VPS13C: variants seen among roughly 807,000 people sequenced by gnomAD.
The protein encoded by VPS13C is intermembrane lipid transfer protein VPS13C.
VPS13C carries 358 observed loss-of-function variants against 456.8 expected under a neutral mutation model. The ratio of observed to expected loss-of-function variants is 0.78; its 90% confidence interval spans 0.72 to 0.86. The LOEUF (loss-of-function observed/expected upper bound fraction) is 0.86. Among genes scored for constraint, VPS13C ranks in the 40% least tolerant of loss-of-function variants. VPS13C has a pLI of 0.00. For missense variants in VPS13C, 4,818 were observed against 4,385.4 expected (o/e 1.10, Z -2.79); for synonymous variants, 1,578 against 1,486.7 (o/e 1.06, Z -1.41).
chr15:62,005,575 G>C (rs559234492), intron 15 of VPS13C, among the ~76,000 whole-genome samples: 1,585 of 151,460 alleles, frequency 0.01, 28 homozygotes, highest in African/African-American at 0.037. Context: ...GTTAGCTGGT[G>C]ATTTTGCTCG....
In VPS13C at chr15:61,936,781, A is replaced by C. The variant is rs2044241362; in HGVS notation, c.5602-31T>G. ...AACCACCAATAATTTGTTAACTCTA[A>C]GTAATAAAAAAAATGTAGACTATCA... is the stretch of plus-strand genomic sequence containing the variant. On this transcript the variant is annotated intron_variant, in intron 47 of 84. Transcript: ENST00000644861. 1.9e-6 allele frequency: 3 copies of C among 1,567,172 alleles called. No individual in the cohort carries two copies. The Admixed American group carries it at 6.1e-5, about 32-fold the overall frequency.
At chr15:61,907,823 T>C (rs974842405) in intron 65 of VPS13C, among the ~76,000 whole-genome samples, 1 of 152,186 alleles carries the variant, frequency 6.6e-6, no homozygotes, top group Non-Finnish European at 1.5e-5. Context: ...GGCAAGATCA[T>C]ATTGCACTAC....
chr15:61,916,013 C>T lies in VPS13C; in HGVS notation c.8065G>A (p.Glu2689Lys), dbSNP rs760868314. Residue 2689 changes from glutamate (E) to lysine (K), a missense_variant, in exon 61 of 85, where the codon GAA becomes AAA. Physicochemically the swap from Glu to Lys is moderately conservative, Grantham distance 56. This residue lies in a region of VPS13C where 4,552 missense variants were observed against 4,130.6 expected (regional missense o/e 1.10). Transcript: ENST00000644861. ...SLRYLLEGTA[E>K]THELAEGSTA... ...CTGCCTTCTGCCAGCTCATGAGTTT[C>T]TGCTGTTCCCTAAAAACAAACAAAA... The T allele has an allele frequency of 6.4e-7, 1 of 1,557,190 alleles. No individual in the cohort carries two copies. The highest frequency in any genetic ancestry group is 2.3e-5 in the East Asian group (1 of 43,942).
intron 15 of VPS13C, among the ~76,000 whole-genome samples, chr15:62,006,602 T>A (rs1425389685): frequency 6.6e-6 from 1 of 152,204 alleles, no homozygotes; most frequent in Non-Finnish European, 1.5e-5. Flanking sequence ...TGATTTATAA[T>A]CCTTTGGGTA....
intron 49 of VPS13C, 65 bp from the exon 50 acceptor site, chr15:61,931,324 A>T: frequency 7.0e-7 from 1 of 1,428,352 alleles, no homozygotes; most frequent in South Asian, 1.5e-5. Flanking sequence ...ACTTTTAAAC[A>T]TATTACTTAA....
At chr15:61,869,109 C>CTTT in intron 80 of VPS13C, among the ~76,000 whole-genome samples, 1 of 106,274 alleles carries the variant, frequency 9.4e-6, no homozygotes, top group South Asian at 3.1e-4. Flanking sequence ...CTTTTCTTTT[C>CTTT]TTTTTTCTTT....
At chr15:61,868,411 T>C (rs555719697) in intron 81 of VPS13C, among the ~76,000 whole-genome samples, 7 of 152,256 alleles carry the variant, frequency 4.6e-5, no homozygotes, top group Non-Finnish European at 8.8e-5. Context: ...AATAGTGATA[T>C]AGCCTATGAC....
Position 61,941,830 on chromosome 15 carries a change from C to G in VPS13C, c.5386G>C (p.Glu1796Gln). ...ATGACTGGAGGAAGAGAATAATGTTCCATAGGAACCAAGCTAAACTTGTTT... is the reference window on the plus strand; with the variant it reads ...ATGACTGGAGGAAGAGAATAATGTTGCATAGGAACCAAGCTAAACTTGTTT... The part of the protein sequence containing the change: ...VENKFSLVPM[E>Q]HYSLPPVIDK... The change falls in exon 46 of 85, where the codon GAA becomes CAA. Residue 1796 changes from glutamate (E) to glutamine (Q), a missense_variant. Transcript: ENST00000644861. 2 of 1,613,844 alleles carry G rather than the reference C, an allele frequency of 1.2e-6. No individual in the cohort carries two copies. Among genetic ancestry groups the G allele is most frequent in the Non-Finnish European group, 1.7e-6 (2 of 1,179,800 alleles).
intron 51 of VPS13C, among the ~76,000 whole-genome samples, chr15:61,928,267 A>C (rs1260250354): frequency 6.6e-6 from 1 of 152,180 alleles, no homozygotes; most frequent in African/African-American, 2.4e-5. Context: ...GTACGCAGGC[A>C]TAAGTATATA....
At chr15:61,876,525 G>A (rs1293366636) in intron 75 of VPS13C, among the ~76,000 whole-genome samples, 5 of 151,950 alleles carry the variant, frequency 3.3e-5, no homozygotes, top group African/African-American at 1.2e-4. Context: ...GAAAGGAGAT[G>A]TCACCATGCA....
chr15:61,996,635 T>C lies in VPS13C; in HGVS notation c.1353+3929A>G, dbSNP rs776460148. ...AACACACTGGAAATTACTAAAAAGA[T>C]TGGAATCTTCAATAGAGAAATGCAA... On this transcript the variant is annotated intron_variant, in intron 16 of 84. Transcript: ENST00000644861. Among the ~76,000 whole-genome samples, 50 of 151,882 alleles carry C rather than the reference T, an allele frequency of 3.3e-4. 1 individual carries two copies. The highest frequency in any genetic ancestry group is 2.8e-3 in the Admixed American group (43 of 15,258).
chr15:61,959,661 AG>A (rs1224853638), intron 35 of VPS13C, 66 bp from the exon 36 acceptor site: 1 of 1,505,622 alleles, frequency 6.6e-7, no homozygotes, highest in African/African-American at 1.4e-5. Context: ...ATTAAAAAAA[AG>A]CAAAGTCAAG....
chr15:61,964,899 C>A (rs546756555), intron 30 of VPS13C, 38 bp from the exon 31 acceptor site: 3 of 1,573,682 alleles, frequency 1.9e-6, no homozygotes, highest in South Asian at 1.2e-5. Flanking sequence ...TTTTCCACAG[C>A]CAATTATAAC....
chr15:61,895,878 G>C (rs2042794478), intron 66 of VPS13C, among the ~76,000 whole-genome samples: 1 of 152,036 alleles, frequency 6.6e-6, no homozygotes, highest in Admixed American at 6.6e-5. Context: ...GGAGGAATCA[G>C]TTCTAGTGTC....
intron 82 of VPS13C, chr15:61,856,720 CCAAAAAG>C (rs1893936510): frequency 5.8e-6 from 1 of 171,190 alleles, no homozygotes; most frequent in Admixed American, 1.2e-4. Flanking sequence ...GGTTAACTGA[CCAAAAAG>C]CTGATAGGGA....
At chr15:61,997,638 G>C (rs2046434138) in intron 16 of VPS13C, among the ~76,000 whole-genome samples, 1 of 152,042 alleles carries the variant, frequency 6.6e-6, no homozygotes, top group South Asian at 2.1e-4. Flanking sequence ...ACTGCTCCAA[G>C]TCAAAATATT....
At chr15:62,047,664 G>A (rs1318856885) in intron 1 of VPS13C, among the ~76,000 whole-genome samples, 1 of 152,156 alleles carries the variant, frequency 6.6e-6, no homozygotes, top group African/African-American at 2.4e-5. Flanking sequence ...CCAGTGTAAA[G>A]AGGTAAAAGT....
intron 5 of VPS13C, among the ~76,000 whole-genome samples, chr15:62,030,209 C>A (rs2047766245): frequency 6.6e-6 from 1 of 152,030 alleles, no homozygotes; most frequent in Admixed American, 6.6e-5. Flanking sequence ...GAAGACTAAG[C>A]AAATAAGAAA....
At chr15:61,935,120 GCAAAAT>G (rs2044183479) in intron 48 of VPS13C, among the ~76,000 whole-genome samples, 1 of 152,096 alleles carries the variant, frequency 6.6e-6, no homozygotes, top group Non-Finnish European at 1.5e-5. Context: ...TAACTCAATA[GCAAAAT>G]CAAACAGAGT....
Sources: gnomAD v4.1 joint callset for allele counts (sites outside exome capture counted in the v4.1 genomes callset) on GRCh38, gnomAD v4.1.1 for gene constraint, gnomAD v4.1.1 regional missense constraint, MANE v1.5 for transcripts, NCBI Gene and HGNC (gene_info 2026-07-23, HGNC 2026-07-21) for gene names.